The following EIPR1 variants were observed in gnomAD, a reference collection of about 807,000 sequenced individuals.
EIPR1 encodes EARP complex and GARP complex interacting protein 1.
In EIPR1, 25 loss-of-function variants were observed where a neutral mutation model predicts 48.1. The ratio of observed to expected loss-of-function variants is 0.52; its 90% CI spans 0.38 to 0.73. EIPR1 has a LOEUF of 0.73. Among genes scored for constraint, EIPR1 ranks in the 30% least tolerant of loss-of-function variants. The probability of loss-of-function intolerance (pLI) is 0.00; values close to 1 mark genes in which losing one functional copy is unlikely to be tolerated. For synonymous variants in EIPR1, 204 were observed against 201.9 expected (o/e 1.01, Z -0.09); for missense variants, 415 against 506.2 (o/e 0.82, Z 1.73).
chr2:3,295,101 A>C (rs1448601589), intron 3 of EIPR1, among the ~76,000 whole-genome samples: 2 of 134,034 alleles, frequency 1.5e-5, no homozygotes, highest in African/African-American at 2.9e-5. Flanking sequence ...TTCCACACAT[A>C]CACCCTCCAT....
intron 4 of EIPR1, among the ~76,000 whole-genome samples, chr2:3,227,909 T>C (rs896771039): frequency 3.9e-5 from 6 of 152,176 alleles, no homozygotes; most frequent in African/African-American, 1.4e-4. Context: ...AGAACTGAGG[T>C]ATGGAAACCT....
At chr2:3,358,846 C>A (rs987080090) in intron 1 of EIPR1, among the ~76,000 whole-genome samples, 1 of 152,164 alleles carries the variant, frequency 6.6e-6, no homozygotes, top group African/African-American at 2.4e-5. Context: ...CCAAGATTTT[C>A]AAATGCAGGA....
chr2:3,208,419 G>A (rs775257580), intron 5 of EIPR1: 20 of 1,461,004 alleles, frequency 1.4e-5, no homozygotes, highest in African/African-American at 7.1e-5. Flanking sequence ...CTCAGACCAC[G>A]TCACCTTCAG....
intron 5 of EIPR1, among the ~76,000 whole-genome samples, chr2:3,203,248 G>A (rs1174386610): frequency 6.6e-6 from 1 of 152,210 alleles, no homozygotes; most frequent in East Asian, 1.9e-4. Context: ...CGTTGAGAGG[G>A]ATTTCAAATA....
chr2:3,303,772 G>A (rs1210575683), intron 3 of EIPR1, among the ~76,000 whole-genome samples: 4 of 152,124 alleles, frequency 2.6e-5, no homozygotes, highest in Non-Finnish European at 4.4e-5. Flanking sequence ...CTCTGCGCCC[G>A]GGAAGCTTCG....
chr2:3,200,648 CAG>C (rs1491174492), intron 5 of EIPR1, among the ~76,000 whole-genome samples: 3 of 150,842 alleles, frequency 2.0e-5, no homozygotes, highest in South Asian at 4.2e-4. Flanking sequence ...AAGGTGGACA[CAG>C]GGGCGGGGCA....
chr2:3,299,622 T>TCACACACACA (rs574613479), intron 3 of EIPR1, among the ~76,000 whole-genome samples: 3,604 of 140,824 alleles, frequency 0.026, 68 homozygotes, highest in Non-Finnish European at 0.039. Flanking sequence ...TCTCTCTCTC[T>TCACACACACA]CTCACACACA....
At chr2:3,210,786 A>G (rs1198610535) in intron 5 of EIPR1, among the ~76,000 whole-genome samples, 1 of 151,902 alleles carries the variant, frequency 6.6e-6, no homozygotes, top group Non-Finnish European at 1.5e-5. Context: ...ACGTGCCACC[A>G]CGCCTGGCTA....
intron 4 of EIPR1, among the ~76,000 whole-genome samples, chr2:3,240,324 A>AC (rs1666564759): frequency 7.3e-6 from 1 of 136,778 alleles, no homozygotes; most frequent in African/African-American, 2.7e-5. Flanking sequence ...TCCTAAAGCA[A>AC]AGCCAGCAGA....
chr2:3,241,162 T>C (rs1424311936), intron 4 of EIPR1, among the ~76,000 whole-genome samples: 2 of 152,176 alleles, frequency 1.3e-5, no homozygotes, highest in Non-Finnish European at 2.9e-5. Context: ...AGCAGATCCT[T>C]CCTCAAGAAC....
intron 4 of EIPR1, among the ~76,000 whole-genome samples, chr2:3,246,629 G>A (rs555802845): frequency 7.9e-5 from 12 of 151,924 alleles, no homozygotes; most frequent in African/African-American, 1.7e-4. Context: ...TGCAGGTGAC[G>A]GGCACTTGGA....
chr2:3,265,500 A>G (rs902943270), intron 3 of EIPR1, among the ~76,000 whole-genome samples: 1 of 152,226 alleles, frequency 6.6e-6, no homozygotes, highest in African/African-American at 2.4e-5. Flanking sequence ...AGGAAAACCT[A>G]ATCTTTAGAA....
intron 3 of EIPR1, among the ~76,000 whole-genome samples, chr2:3,299,226 C>T (rs1668688779): frequency 2.0e-5 from 3 of 152,324 alleles, no homozygotes; most frequent in South Asian, 2.1e-4. Flanking sequence ...CCCGCGTGAG[C>T]CTCCATGGAC....
intron 4 of EIPR1, among the ~76,000 whole-genome samples, chr2:3,214,846 C>A (rs1338430728): frequency 6.6e-6 from 1 of 152,150 alleles, no homozygotes; most frequent in African/African-American, 2.4e-5. Context: ...ACTGTCTGTA[C>A]TTGAAATGGA....
At chr2:3,262,152 AAAG>A (rs1469174774) in intron 3 of EIPR1, 4 of 152,454 alleles carry the variant, frequency 2.6e-5, no homozygotes, top group East Asian at 1.9e-4. Flanking sequence ...CCCAATGAAG[AAAG>A]AAGATGAGAA....
At chr2:3,233,592 G>A (rs1666309688) in intron 4 of EIPR1, among the ~76,000 whole-genome samples, 1 of 152,220 alleles carries the variant, frequency 6.6e-6, no homozygotes, top group South Asian at 2.1e-4. Context: ...CACAGGGTAT[G>A]TCTTCGCTGC....
At chr2:3,353,035 G>C (rs1277555131) in intron 2 of EIPR1, among the ~76,000 whole-genome samples, 1 of 152,204 alleles carries the variant, frequency 6.6e-6, no homozygotes, top group Non-Finnish European at 1.5e-5. Flanking sequence ...GTATAGTACA[G>C]TAAGGTGTTC....
intron 3 of EIPR1, among the ~76,000 whole-genome samples, chr2:3,310,302 T>A (rs1343661989): frequency 6.6e-6 from 1 of 152,154 alleles, no homozygotes; most frequent in Non-Finnish European, 1.5e-5. Context: ...AATCTTCCTT[T>A]TTAATATTTT....
At chr2:3,229,836 A>G (rs971648572) in intron 4 of EIPR1, among the ~76,000 whole-genome samples, 12 of 152,232 alleles carry the variant, frequency 7.9e-5, no homozygotes, top group African/African-American at 2.4e-4. Context: ...TATGGTGGTC[A>G]TTCCAACAGG....
Sources: allele counts gnomAD v4.1 joint callset (sites outside exome capture counted in the v4.1 genomes callset), GRCh38; gene constraint gnomAD v4.1.1; transcripts MANE v1.5; gene names NCBI Gene and HGNC (gene_info 2026-07-23, HGNC 2026-07-21).